The following AKAP6 variants were observed in gnomAD, a reference collection of about 807,000 sequenced individuals.
The protein encoded by AKAP6 is A-kinase anchoring protein 6.
AKAP6 carries 58 observed loss-of-function variants against 188.5 expected under a neutral mutation model. The observed-to-expected ratio is 0.31, with a 90% CI of 0.25 to 0.38. AKAP6 has a LOEUF of 0.38. Among genes scored for constraint, AKAP6 ranks in the 10% least tolerant of loss-of-function variants. AKAP6 has a pLI of 1.00. For missense variants in AKAP6, 2,710 were observed against 2,740.0 expected, an observed-to-expected ratio of 0.99 and a Z score of 0.24; for synonymous variants, 989 against 998.6, an observed-to-expected ratio of 0.99 and a Z score of 0.18.
intron 1 of AKAP6, among the ~76,000 whole-genome samples, chr14:32,340,284 C>A (rs1365885960): frequency 2.6e-5 from 4 of 151,822 alleles, no homozygotes; most frequent in Non-Finnish European, 5.9e-5. Context: ...AAAAATTATA[C>A]CTCATGAAAA....
chr14:32,400,967 C>T (rs1439329516), intron 1 of AKAP6, among the ~76,000 whole-genome samples: 4 of 152,148 alleles, frequency 2.6e-5, no homozygotes, highest in African/African-American at 9.7e-5. Flanking sequence ...TCTAAATCTA[C>T]CAGAAGAGAT....
rs2034879961 is a variant in AKAP6, at chr14:32,836,779, AG to A, written c.*6975del. 1 of 152,180 alleles carries A rather than the reference AG, an allele frequency of 6.6e-6. No homozygotes were observed. The highest frequency in any genetic ancestry group is 1.5e-5 in the Non-Finnish European group (1 of 68,040). The allele number at this position is 152,180 out of a possible 1,614,324, so 9.4% of individuals were successfully genotyped here. ...GAAATGAGGTGCTCCCAAACCTGGG[AG>A]ATGGCTCCCAAAGAACAAGAGAATC... On this transcript the variant is annotated 3_prime_UTR_variant, in exon 14 of 14. Transcript: ENST00000280979.
At position 32,465,763 on chromosome 14, in the gene AKAP6, G is replaced by A. The variant is rs147129760; in HGVS notation, c.324+31946G>A. On this transcript the variant is annotated intron_variant, in intron 2 of 13. Coordinates refer to ENST00000280979, the MANE Select transcript of AKAP6 (RefSeq NM_004274.5). ...TAATCAAACTAAAGAGCTTCTGCACGCAAAAGAAATTATCATCAGCATGAA... is the reference window on the plus strand; with the variant it reads ...TAATCAAACTAAAGAGCTTCTGCACACAAAAGAAATTATCATCAGCATGAA... Among the ~76,000 whole-genome samples, 147 of 152,198 alleles carry A rather than the reference G, an allele frequency of 9.7e-4. 1 individual carries two copies. Among genetic ancestry groups the A allele is most frequent in the South Asian group, 3.3e-3 (16 of 4,820 alleles).
chr14:32,450,428 A>C (rs1380358203), intron 2 of AKAP6, among the ~76,000 whole-genome samples: 3 of 152,118 alleles, frequency 2.0e-5, no homozygotes, highest in Admixed American at 2.0e-4. Context: ...TGGTCATTAA[A>C]ACACAATGAA....
intron 11 of AKAP6, among the ~76,000 whole-genome samples, chr14:32,748,624 G>A (rs11847686): frequency 0.013 from 2,001 of 152,212 alleles, 42 homozygotes; most frequent in African/African-American, 0.046. Flanking sequence ...TTGGATCATT[G>A]ACCTGCTTAC....
Position 32,546,224 on chromosome 14 carries a change from C to A in AKAP6, c.1571C>A (p.Thr524Lys), listed in dbSNP as rs749800384. The A allele has an allele frequency of 3.7e-6, 6 of 1,614,024 alleles. No homozygotes were observed. In the African/African-American group the frequency reaches 6.7e-5, roughly 18 times the overall value. The change falls in exon 4 of 14, where the codon ACA becomes AAA. Residue 524 changes from threonine (T) to lysine (K), a missense_variant. By Grantham distance (78) the Thr-to-Lys change is moderately conservative. Around this residue, in one of 2 missense-constraint regions of AKAP6, gnomAD observed 2,473 missense variants for 2,426.1 expected, o/e 1.02. Transcript: ENST00000280979. ...GGTTCAGGCAAACAAGCTAAAAATACAAAGAGCTCAGCAGTGCCAAATGGA... is the reference window on the plus strand; with the variant it reads ...GGTTCAGGCAAACAAGCTAAAAATAAAAAGAGCTCAGCAGTGCCAAATGGA... ...GTGSGKQAKN[T>K]KSSAVPNGEL...
intron 5 of AKAP6, among the ~76,000 whole-genome samples, chr14:32,598,891 T>C (rs1885809000): frequency 6.6e-6 from 1 of 152,168 alleles, no homozygotes; most frequent in South Asian, 2.1e-4. Context: ...CTGAAAGACA[T>C]TTAACTCCTC....
At chr14:32,424,712 C>A (rs1213537736) in intron 1 of AKAP6, among the ~76,000 whole-genome samples, 1 of 152,020 alleles carries the variant, frequency 6.6e-6, no homozygotes, top group Non-Finnish European at 1.5e-5. Flanking sequence ...GTCCATGTGT[C>A]CTCATCATTT....
rs544785455 is a variant in AKAP6 at position 32,513,478 on chromosome 14, C to G, written c.325-22076C>G. Reference sequence around the variant, plus strand: ...TAGAGCCCTAAAAGAATGAGGGTGACTGTGGAGTGAGAGATCCCTGCTTAC... The same window carrying G: ...TAGAGCCCTAAAAGAATGAGGGTGAGTGTGGAGTGAGAGATCCCTGCTTAC... On this transcript the variant is annotated intron_variant, in intron 2 of 13. Coordinates refer to ENST00000280979, the MANE Select transcript of AKAP6 (RefSeq NM_004274.5). Among the ~76,000 whole-genome samples the G allele has an allele frequency of 2.6e-5, 4 of 152,274 alleles. No individual in the cohort carries two copies. In the South Asian group the frequency reaches 8.3e-4, roughly 32 times the overall value.
intron 1 of AKAP6, 77 bp from the exon 2 acceptor site, chr14:32,433,383 T>A (rs1352193519): frequency 1.0e-6 from 1 of 972,064 alleles, no homozygotes; most frequent in East Asian, 2.6e-5. Flanking sequence ...AGAAATCCTG[T>A]TTCTTCTGTG....
chr14:32,525,209 T>C (rs151095283), intron 2 of AKAP6, among the ~76,000 whole-genome samples: 25 of 152,310 alleles, frequency 1.6e-4, no homozygotes, highest in African/African-American at 5.5e-4. Flanking sequence ...AAACAATTTC[T>C]CCAGTGTACA....
At chr14:32,455,187 GC>G (rs1891112987) in intron 2 of AKAP6, among the ~76,000 whole-genome samples, 1 of 150,798 alleles carries the variant, frequency 6.6e-6, no homozygotes, top group African/African-American at 2.4e-5. Flanking sequence ...TCACTATGTT[GC>G]CCAGGCTGGT....
intron 2 of AKAP6, among the ~76,000 whole-genome samples, chr14:32,460,385 A>T (rs959028941): frequency 1.3e-5 from 2 of 152,158 alleles, no homozygotes; most frequent in Admixed American, 1.3e-4. Flanking sequence ...TGAGTTACCC[A>T]TTTGATCTCA....
intron 11 of AKAP6, among the ~76,000 whole-genome samples, chr14:32,757,075 C>G (rs2032363389): frequency 6.6e-6 from 1 of 152,126 alleles, no homozygotes; most frequent in Admixed American, 6.5e-5. Context: ...CTCCTTGCCT[C>G]AAATGGTGGG....
At chr14:32,625,837 A>G (rs1886998963) in intron 7 of AKAP6, among the ~76,000 whole-genome samples, 2 of 152,104 alleles carry the variant, frequency 1.3e-5, no homozygotes, top group Admixed American at 1.3e-4. Context: ...CCTTTAAACC[A>G]AAGGGACAAT....
intron 2 of AKAP6, among the ~76,000 whole-genome samples, chr14:32,457,135 C>G (rs1022860503): frequency 6.6e-6 from 1 of 152,142 alleles, no homozygotes; most frequent in South Asian, 2.1e-4. Flanking sequence ...AAAAACAAAT[C>G]ATTTCTGAAT....
intron 4 of AKAP6, among the ~76,000 whole-genome samples, chr14:32,548,025 A>G (rs1300155484): frequency 2.0e-5 from 3 of 151,276 alleles, no homozygotes; most frequent in African/African-American, 7.3e-5. Context: ...TTGATGACAT[A>G]TCAATGGCCA....
chr14:32,545,533 G>T lies in AKAP6; in HGVS notation c.880G>T (p.Val294Leu). 6.2e-7 allele frequency: 1 copy of T among 1,614,218 alleles called. No homozygotes were observed. The highest frequency in any genetic ancestry group is 8.5e-7 in the Non-Finnish European group (1 of 1,180,030). Residue 294 changes from valine to leucine, a missense_variant, in exon 4 of 14, where the codon GTA becomes TTA. Coordinates refer to ENST00000280979, the MANE Select transcript of AKAP6 (RefSeq NM_004274.5). The part of the protein sequence containing the change: ...TNGSEAVTEE[V>L]SQVSLSVDDK... ...TGGCAGTGAAGCAGTTACTGAGGAGGTATCTCAAGTATCTCTCTCAGTAGA... is the reference window on the plus strand; with the variant it reads ...TGGCAGTGAAGCAGTTACTGAGGAGTTATCTCAAGTATCTCTCTCAGTAGA...
At chr14:32,689,840 C>T (rs898537131) in intron 8 of AKAP6, among the ~76,000 whole-genome samples, 2 of 151,896 alleles carry the variant, frequency 1.3e-5, no homozygotes, top group Admixed American at 6.6e-5. Flanking sequence ...CACTCCTTTA[C>T]GTGTCTTTTT....
Sources: gnomAD v4.1 joint callset for allele counts (sites outside exome capture counted in the v4.1 genomes callset) on GRCh38, gnomAD v4.1.1 for gene constraint, gnomAD v4.1.1 regional missense constraint, MANE v1.5 for transcripts, NCBI Gene and HGNC (gene_info 2026-07-23, HGNC 2026-07-21) for gene names.